The following TESMIN variants were observed in gnomAD, a reference collection of about 807,000 sequenced individuals.
The protein encoded by TESMIN is CXC domain containing 2.
TESMIN carries 34 observed loss-of-function variants against 47.4 expected under a neutral mutation model. That is an observed-to-expected ratio of 0.72 (90% CI 0.55 to 0.96). TESMIN has a LOEUF of 0.96. Among genes scored for constraint, TESMIN ranks in the 40% least tolerant of loss-of-function variants. The pLI is 0.00. For synonymous variants in TESMIN, 278 were observed against 258.9 expected (o/e 1.07, Z -0.71); for missense variants, 610 against 637.2 (o/e 0.96, Z 0.46).
chr11:68,730,775 G>A (rs1454341899), intron 6 of TESMIN, among the ~76,000 whole-genome samples: 9 of 143,228 alleles, frequency 6.3e-5, no homozygotes, highest in African/African-American at 1.6e-4. Context: ...AGCCTGGGCC[G>A]ACAACAGCCA....
intron 6 of TESMIN, among the ~76,000 whole-genome samples, chr11:68,728,818 C>T (rs1222447613): frequency 6.6e-6 from 1 of 152,194 alleles, no homozygotes. Flanking sequence ...ACAACAAAGC[C>T]TGAATGACAG....
chr11:68,747,468 TG>T, intron 2 of TESMIN, 102 bp from the exon 3 acceptor site: 2 of 1,059,036 alleles, frequency 1.9e-6, no homozygotes, highest in Non-Finnish European at 2.8e-6. Context: ...GTAGAAGTTA[TG>T]GTGAAACCCT....
At chr11:68,714,096 C>A (rs1033667574) in intron 7 of TESMIN, among the ~76,000 whole-genome samples, 1 of 152,176 alleles carries the variant, frequency 6.6e-6, no homozygotes, top group African/African-American at 2.4e-5. Flanking sequence ...TCTTTACATA[C>A]AAAACAATTC....
chr11:68,715,196 C>T (rs1946122451), intron 7 of TESMIN, among the ~76,000 whole-genome samples: 1 of 152,286 alleles, frequency 6.6e-6, no homozygotes, highest in Admixed American at 6.5e-5. Context: ...GAAGTGTCTC[C>T]CTGGAGTAGG....
intron 3 of TESMIN, among the ~76,000 whole-genome samples, chr11:68,746,637 C>A (rs1946523821): frequency 6.6e-6 from 1 of 152,076 alleles, no homozygotes; most frequent in South Asian, 2.1e-4. Context: ...ATCTGGAGTC[C>A]CAGATGCACC....
At position 68,708,042 on chromosome 11, in the gene TESMIN, C is replaced by A. The variant is rs895246455; in HGVS notation, c.*266G>T. The A allele has an allele frequency of 8.4e-6, 4 of 473,424 alleles. No individual in the cohort carries two copies. The highest frequency in any genetic ancestry group is 5.9e-5 in the African/African-American group (3 of 51,000). The allele number at this position is 473,424 out of a possible 1,614,324, so 29.3% of individuals were successfully genotyped here. A position where few individuals can be genotyped will look rare whatever the true frequency, so the allele number is the denominator to read the frequency against. ...CTCCCCTGCCCTGCTCTGCCCTCCG[C>A]CGCCCTGCAGACACTCTCCCAGGAC... is the stretch of plus-strand genomic sequence containing the variant. On this transcript the variant is annotated 3_prime_UTR_variant, in exon 10 of 10. Transcript: ENST00000255087.
intron 6 of TESMIN, among the ~76,000 whole-genome samples, chr11:68,722,247 G>A (rs900908636): frequency 3.9e-5 from 6 of 152,288 alleles, no homozygotes; most frequent in Admixed American, 2.0e-4. Flanking sequence ...TAAAATAGGG[G>A]TTACCAGAGA....
intron 6 of TESMIN, among the ~76,000 whole-genome samples, chr11:68,731,079 C>T (rs1946321337): frequency 6.6e-6 from 1 of 152,112 alleles, no homozygotes; most frequent in Non-Finnish European, 1.5e-5. Flanking sequence ...TTGTCTACCA[C>T]AGGAAGAGGG....
At chr11:68,742,269 A>G in intron 5 of TESMIN, 49 bp downstream of exon 5, 2 of 1,134,838 alleles carry the variant, frequency 1.8e-6, no homozygotes, top group Non-Finnish European at 2.5e-6. Context: ...CAAAATTTTA[A>G]GAGACAATAA....
At chr11:68,747,479 T>C in intron 2 of TESMIN, 113 bp from the exon 3 acceptor site, 1 of 941,136 alleles carries the variant, frequency 1.1e-6, no homozygotes, top group Non-Finnish European at 1.6e-6. Flanking sequence ...GGTGAAACCC[T>C]GTCTCTACTA....
chr11:68,711,221 G>A (rs186353507), intron 8 of TESMIN, among the ~76,000 whole-genome samples, 172 bp from the exon 9 acceptor site: 121 of 151,280 alleles, frequency 8.0e-4, no homozygotes, highest in African/African-American at 2.7e-3. Flanking sequence ...TGTGTTGAAC[G>A]TGAGTGTGTG....
intron 6 of TESMIN, among the ~76,000 whole-genome samples, chr11:68,728,608 A>C (rs2153991516): frequency 6.6e-6 from 1 of 152,390 alleles, no homozygotes; most frequent in Non-Finnish European, 1.5e-5. Flanking sequence ...CTAGAAGAAG[A>C]TGCCACCTAG....
At chr11:68,742,636 G>A (rs1228616175) in intron 4 of TESMIN, among the ~76,000 whole-genome samples, 2 of 151,966 alleles carry the variant, frequency 1.3e-5, no homozygotes, top group African/African-American at 2.4e-5. Flanking sequence ...GAGCTTCCAG[G>A]GTTGCTCTAC....
In TESMIN at chr11:68,708,204, C is replaced by G. The variant is rs1000026241; in HGVS notation, c.*104G>C. On this transcript the variant is annotated 3_prime_UTR_variant, in exon 10 of 10. Transcript: ENST00000255087. The stretch of plus-strand genomic sequence containing the variant: ...CCCTGGGCCCAGGGATGCAGGGGAG[C>G]CTGGTTGTTGCTGCAGAGCCAGCCT... The G allele has an allele frequency of 8.6e-7, 1 of 1,161,754 alleles. No homozygotes were observed. Among genetic ancestry groups the G allele is most frequent in the Non-Finnish European group, 1.2e-6 (1 of 817,600 alleles). 72.0% of individuals were successfully genotyped at this position (1,161,754 alleles called of 1,614,324 possible). A position where few individuals can be genotyped will look rare whatever the true frequency, so the allele number is the denominator to read the frequency against.
intron 6 of TESMIN, chr11:68,736,409 T>C: frequency 2.0e-6 from 2 of 985,452 alleles, no homozygotes; most frequent in Non-Finnish European, 1.2e-6. Context: ...CTATGGCCTC[T>C]ATAGGTTAGA....
At chr11:68,716,742 A>C (rs1228089019) in intron 6 of TESMIN, among the ~76,000 whole-genome samples, 1 of 151,916 alleles carries the variant, frequency 6.6e-6, no homozygotes, top group East Asian at 1.9e-4. Context: ...CTTTACCCTT[A>C]CTGGGATGGG....
intron 6 of TESMIN, among the ~76,000 whole-genome samples, chr11:68,723,160 C>T (rs1184028726): frequency 6.6e-6 from 1 of 151,832 alleles, no homozygotes; most frequent in African/African-American, 2.4e-5. Context: ...TAAAGGAAGT[C>T]TTCATTAATT....
chr11:68,747,346 A>G lies in TESMIN; in HGVS notation c.492T>C (p.Gly164=), dbSNP rs1256214090. Residue 164 remains glycine (G), a synonymous_variant, in exon 3 of 10, where the codon GGT becomes GGC. Transcript: ENST00000255087. The part of the protein sequence containing the change: ...RMIPVEIKEA[G]GTTTSNNPEE... Reference sequence around the variant, plus strand: ...CCGGATTATTACTTGTAGTAGTACCACCTGCTTCCTTGATTTCAACCTAGA... The same window carrying G: ...CCGGATTATTACTTGTAGTAGTACCGCCTGCTTCCTTGATTTCAACCTAGA... The G allele has an allele frequency of 3.1e-6, 5 of 1,612,922 alleles. No individual in the cohort carries two copies. The highest frequency in any genetic ancestry group is 3.4e-6 in the Non-Finnish European group (4 of 1,178,892).
At chr11:68,729,985 C>T (rs184959208) in intron 6 of TESMIN, among the ~76,000 whole-genome samples, 8 of 152,268 alleles carry the variant, frequency 5.3e-5, no homozygotes, top group African/African-American at 1.4e-4. Context: ...AAACTGCCAC[C>T]GCAACCCCAG....
Sources: allele counts gnomAD v4.1 joint callset (sites outside exome capture counted in the v4.1 genomes callset), GRCh38; gene constraint gnomAD v4.1.1; transcripts MANE v1.5; gene names NCBI Gene and HGNC (gene_info 2026-07-23, HGNC 2026-07-21).